Variants in DNAI4 observed in about 807,000 individuals in gnomAD.
DNAI4 encodes dynein axonemal intermediate chain 4, also known as WD repeat domain 78.
Under a neutral mutation model 105.8 loss-of-function variants are expected in DNAI4, and 85 were observed. The ratio of observed to expected loss-of-function variants is 0.80; its 90% CI spans 0.67 to 0.96. The LOEUF (loss-of-function observed/expected upper bound fraction) is 0.96. DNAI4 is among the 40% of genes least tolerant of loss of function. DNAI4 has a pLI of 0.00. For synonymous variants in DNAI4, 352 were observed against 331.5 expected, an observed-to-expected ratio of 1.06 and a Z score of -0.67; for missense variants, 1,014 against 1,005.6, an observed-to-expected ratio of 1.01 and a Z score of -0.11.
chr1:66,921,346 T>C (rs1650465077), intron 1 of DNAI4: 1 of 152,120 alleles, frequency 6.6e-6, no homozygotes, highest in African/African-American at 2.4e-5. Flanking sequence ...AAAGAGAAAG[T>C]GGAAAACTGA....
intron 8 of DNAI4, among the ~76,000 whole-genome samples, chr1:66,844,360 A>T (rs1432839163): frequency 6.6e-6 from 1 of 152,070 alleles, no homozygotes; most frequent in Non-Finnish European, 1.5e-5. Context: ...CAGGAGTTCA[A>T]GACTAGCCTG....
chr1:66,876,881 T>C (rs1646970038), intron 4 of DNAI4, among the ~76,000 whole-genome samples: 1 of 152,128 alleles, frequency 6.6e-6, no homozygotes, highest in Non-Finnish European at 1.5e-5. Context: ...CAATCATGGC[T>C]CCTCTCCACA....
At chr1:66,863,212 A>C (rs1342822716) in intron 6 of DNAI4, among the ~76,000 whole-genome samples, 1 of 152,230 alleles carries the variant, frequency 6.6e-6, no homozygotes, top group Admixed American at 6.5e-5. Flanking sequence ...TTTATGCAGC[A>C]ATTATTTTAT....
chr1:66,826,601 G>A (rs1475966346), intron 15 of DNAI4, among the ~76,000 whole-genome samples: 2 of 152,148 alleles, frequency 1.3e-5, no homozygotes, highest in African/African-American at 2.4e-5. Context: ...CCCAGCCAAG[G>A]TAAACTACTT....
intron 6 of DNAI4, among the ~76,000 whole-genome samples, chr1:66,862,786 A>C (rs1283762765): frequency 6.6e-6 from 1 of 152,176 alleles, no homozygotes; most frequent in Non-Finnish European, 1.5e-5. Context: ...CTCCCTTCCC[A>C]CTACCCCACA....
chr1:66,866,019 G>T (rs1404929358), intron 6 of DNAI4, among the ~76,000 whole-genome samples: 1 of 152,062 alleles, frequency 6.6e-6, no homozygotes, highest in Non-Finnish European at 1.5e-5. Flanking sequence ...ACTGGATTAA[G>T]AATGGTAAAG....
chr1:66,824,515 T>C (rs1464551249), intron 15 of DNAI4, among the ~76,000 whole-genome samples: 1 of 151,994 alleles, frequency 6.6e-6, no homozygotes, highest in Non-Finnish European at 1.5e-5. Context: ...GGCCATTTTC[T>C]CGATATTGAT....
At position 66,874,839 on chromosome 1, in the gene DNAI4, A is replaced by C; in HGVS notation, c.742T>G (p.Phe248Val). 2 of 1,613,706 alleles carry C rather than the reference A, an allele frequency of 1.2e-6. No homozygotes were observed. Among genetic ancestry groups the C allele is most frequent in the Non-Finnish European group, 1.7e-6 (2 of 1,179,772 alleles). The change falls in exon 5 of 17, where the codon TTT (phenylalanine) becomes GTT (valine). Residue 248 changes from phenylalanine to valine, a missense_variant. Coordinates refer to ENST00000371026, the MANE Select transcript of DNAI4 (RefSeq NM_024763.5). ...IILTETETLR[F>V]FDLPTVMVSV... Reference sequence around the variant, plus strand: ...ACCATGACTGTGGGCAAGTCAAAAAATCTCAGTGTTTCTGTCTCTGTGAGT... The same window carrying C: ...ACCATGACTGTGGGCAAGTCAAAAACTCTCAGTGTTTCTGTCTCTGTGAGT...
At chr1:66,882,976 C>T (rs1408127693) in intron 4 of DNAI4, among the ~76,000 whole-genome samples, 1 of 151,626 alleles carries the variant, frequency 6.6e-6, no homozygotes, top group Non-Finnish European at 1.5e-5. Context: ...TGTTTTGAGG[C>T]TTTCTGTGTA....
At chr1:66,859,283 A>G (rs1646573444) in intron 7 of DNAI4, among the ~76,000 whole-genome samples, 2 of 152,204 alleles carry the variant, frequency 1.3e-5, no homozygotes, top group Admixed American at 6.5e-5. Flanking sequence ...AGTGGCTACA[A>G]TCCAAAAAAA....
chr1:66,910,530 T>C (rs1306759079), intron 1 of DNAI4, among the ~76,000 whole-genome samples: 4 of 152,220 alleles, frequency 2.6e-5, no homozygotes, highest in Non-Finnish European at 5.9e-5. Flanking sequence ...TCACTTTCTT[T>C]AGGTCTTTAA....
At chr1:66,840,136 C>A (rs958295528) in intron 9 of DNAI4, among the ~76,000 whole-genome samples, 1 of 152,014 alleles carries the variant, frequency 6.6e-6, no homozygotes. Flanking sequence ...TTTTGGTATA[C>A]GTTGAATAAA....
At chr1:66,894,245 C>T (rs1386309429) in intron 2 of DNAI4, among the ~76,000 whole-genome samples, 1 of 152,140 alleles carries the variant, frequency 6.6e-6, no homozygotes, top group African/African-American at 2.4e-5. Context: ...AAAAACCTTC[C>T]AGTGGGACAA....
chr1:66,880,733 T>A (rs1399313379), intron 4 of DNAI4, among the ~76,000 whole-genome samples: 1 of 152,136 alleles, frequency 6.6e-6, no homozygotes, highest in Non-Finnish European at 1.5e-5. Context: ...TTTTCTGAAA[T>A]GAAATTCAAG....
At chr1:66,877,477 A>C (rs960746044) in intron 4 of DNAI4, among the ~76,000 whole-genome samples, 1 of 152,192 alleles carries the variant, frequency 6.6e-6, no homozygotes. Flanking sequence ...AACATTTGGT[A>C]AACTTTGTAT....
chr1:66,905,778 T>C (rs530631868), intron 1 of DNAI4, among the ~76,000 whole-genome samples: 31 of 152,262 alleles, frequency 2.0e-4, no homozygotes, highest in African/African-American at 7.5e-4. Context: ...ATTAAATAAA[T>C]TAATTTTTGT....
rs1345077065 is a variant in DNAI4, at chr1:66,827,832, C to G, written c.2092G>C (p.Asp698His). 19 of 1,594,418 alleles carry G rather than the reference C, an allele frequency of 1.2e-5. No individual in the cohort carries two copies. The highest frequency in any genetic ancestry group is 1.6e-5 in the Non-Finnish European group (19 of 1,169,310). ...CSCSYNEQYLDTYRGHKGPVY... is the reference protein window; with the variant it reads ...CSCSYNEQYLHTYRGHKGPVY... ...CTAACCTTATGTCCTCTGTAGGTAT[C>G]TAAGTATTGTTCATTATATGAACAA... Residue 698 changes from aspartate to histidine, a missense_variant, in exon 14 of 17, where the codon GAT becomes CAT. By Grantham distance (81) the Asp-to-His change is moderately conservative (BLOSUM62 -1). Coordinates refer to ENST00000371026, the MANE Select transcript of DNAI4 (RefSeq NM_024763.5).
At chr1:66,897,165 T>A (rs913442870) in intron 2 of DNAI4, among the ~76,000 whole-genome samples, 8 of 152,318 alleles carry the variant, frequency 5.3e-5, no homozygotes, top group Non-Finnish European at 7.4e-5. Context: ...GAAACCGGAA[T>A]AAAGGCTGTC....
Position 66,924,772 on chromosome 1 carries a change from C to G in DNAI4, c.60G>C (p.Gly20=). The G allele has an allele frequency of 6.2e-7, 1 of 1,613,730 alleles. No individual in the cohort carries two copies. Among genetic ancestry groups the G allele is most frequent in the Non-Finnish European group, 8.5e-7 (1 of 1,179,668 alleles). Residue 20 remains glycine, a synonymous_variant, in exon 1 of 17, where the codon GGG becomes GGC. Coordinates refer to ENST00000371026, the MANE Select transcript of DNAI4 (RefSeq NM_024763.5). ...TTTGGCCGCCTCTGAAGTCCCTGTACCCCCAAGCTCCTCCGTTAGCGGCTC... is the reference window on the plus strand; with the variant it reads ...TTTGGCCGCCTCTGAAGTCCCTGTAGCCCCAAGCTCCTCCGTTAGCGGCTC... ...SARAANGGAW[G]YRDFRGGQKK... is the part of the protein sequence containing the mutation.
Sources: gnomAD v4.1 joint callset for allele counts (sites outside exome capture counted in the v4.1 genomes callset) on GRCh38, gnomAD v4.1.1 for gene constraint, MANE v1.5 for transcripts, NCBI Gene and HGNC (gene_info 2026-07-23, HGNC 2026-07-21) for gene names.